The following GSE1 variants were observed in gnomAD, a reference collection of about 807,000 sequenced individuals.
The protein encoded by GSE1 is Gse1 coiled-coil protein.
In GSE1, 32 loss-of-function variants were observed where a neutral mutation model predicts 112.6. The ratio of observed to expected loss-of-function variants is 0.28; its 90% CI spans 0.21 to 0.38. The LOEUF (loss-of-function observed/expected upper bound fraction) is 0.38. GSE1 is among the 10% of genes least tolerant of loss of function. GSE1 has a pLI of 1.00. For missense variants in GSE1, 2,348 were observed against 1,699.2 expected (o/e 1.38, Z -6.71); for synonymous variants, 1,115 against 735.6 (o/e 1.52, Z -8.35).
intron 3 of GSE1, among the ~76,000 whole-genome samples, chr16:85,650,829 C>T (rs1043612080): frequency 5.9e-5 from 9 of 151,850 alleles, no homozygotes; most frequent in Non-Finnish European, 8.8e-5. Context: ...CATGAGTCTC[C>T]GAGGCTGCGG....
intron 2 of GSE1, among the ~76,000 whole-genome samples, chr16:85,456,710 A>C (rs1193314909): frequency 1.3e-5 from 2 of 151,180 alleles, no homozygotes; most frequent in African/African-American, 4.9e-5. Context: ...AAGATTAAGC[A>C]TTTCCAGGGA....
chr16:85,327,775 T>C (rs2151510560), intron 1 of GSE1, among the ~76,000 whole-genome samples: 1 of 152,316 alleles, frequency 6.6e-6, no homozygotes, highest in Middle Eastern at 3.4e-3. Context: ...CATTGACCCT[T>C]TCCACATGCC....
At chr16:85,518,718 G>A (rs2052036774) in intron 2 of GSE1, among the ~76,000 whole-genome samples, 1 of 152,074 alleles carries the variant, frequency 6.6e-6, no homozygotes, top group Non-Finnish European at 1.5e-5. Context: ...AAATCACCCA[G>A]CAAGCAGGGG....
intron 2 of GSE1, among the ~76,000 whole-genome samples, chr16:85,507,235 T>G (rs1459050354): frequency 6.6e-6 from 1 of 152,206 alleles, no homozygotes; most frequent in African/African-American, 2.4e-5. Flanking sequence ...GCTTTTGTCT[T>G]CTCTGTCTGC....
At chr16:85,268,311 G>GTGGGGGAGTGATAATGA (rs1171880772) in intron 1 of GSE1, among the ~76,000 whole-genome samples, 2 of 152,094 alleles carry the variant, frequency 1.3e-5, no homozygotes, top group African/African-American at 2.4e-5. Context: ...TCCCCCCGCA[G>GTGGGGGAGTGATAATGA]TCCTCCTCCT....
chr16:85,585,103 A>G (rs1272696396), intron 1 of GSE1, among the ~76,000 whole-genome samples: 1 of 152,212 alleles, frequency 6.6e-6, no homozygotes, highest in Non-Finnish European at 1.5e-5. Context: ...TGAAAAAAAA[A>G]GGCGTGATCA....
At chr16:85,357,379 G>T in intron 1 of GSE1, 1 of 890,172 alleles carries the variant, frequency 1.1e-6, no homozygotes, top group East Asian at 8.0e-5. Context: ...GGGAGGAATG[G>T]CACCTATGGC....
chr16:85,676,113 A>G lies in GSE1; in HGVS notation c.*3574A>G, dbSNP rs2053660391. 6.5e-6 allele frequency: 1 copy of G among 152,682 alleles called. No homozygotes were observed. The highest frequency in any genetic ancestry group is 6.5e-5 in the Admixed American group (1 of 15,284). 9.5% of individuals were successfully genotyped at this position (152,682 alleles called of 1,614,324 possible). A position where few individuals can be genotyped will look rare whatever the true frequency, so the allele number is the denominator to read the frequency against. ...TTGTTTGAATTAATTGTATTGTAATATTATTTGTTGAATGTAGTAATTAGG... is the reference window on the plus strand; with the variant it reads ...TTGTTTGAATTAATTGTATTGTAATGTTATTTGTTGAATGTAGTAATTAGG... On this transcript the variant is annotated 3_prime_UTR_variant, in exon 16 of 16. Transcript: ENST00000253458.
At chr16:85,255,361 C>G (rs1488489208) in intron 1 of GSE1, among the ~76,000 whole-genome samples, 1 of 152,176 alleles carries the variant, frequency 6.6e-6, no homozygotes, top group Non-Finnish European at 1.5e-5. Flanking sequence ...GATGATACCC[C>G]TCCCAGCCTC....
chr16:85,528,946 C>G (rs1415719658), intron 2 of GSE1, among the ~76,000 whole-genome samples: 2 of 152,062 alleles, frequency 1.3e-5, no homozygotes, highest in South Asian at 4.1e-4. Flanking sequence ...GCTCAAGACC[C>G]CAGAGGCCAT....
At chr16:85,226,913 C>A (rs921670720) in intron 1 of GSE1, among the ~76,000 whole-genome samples, 2 of 151,820 alleles carry the variant, frequency 1.3e-5, no homozygotes, top group African/African-American at 4.8e-5. Context: ...TCATCTGGCC[C>A]GAAAACTGAG....
intron 2 of GSE1, among the ~76,000 whole-genome samples, chr16:85,477,870 T>C (rs1236107648): frequency 6.6e-6 from 1 of 152,066 alleles, no homozygotes; most frequent in Non-Finnish European, 1.5e-5. Flanking sequence ...TAGGGTTTTG[T>C]TTTTTCAAAC....
chr16:85,297,428 TTTTAG>T (rs2045398998), intron 1 of GSE1, among the ~76,000 whole-genome samples: 1 of 152,216 alleles, frequency 6.6e-6, no homozygotes, highest in African/African-American at 2.4e-5. Flanking sequence ...GACGTCTTAG[TTTTAG>T]TTTAAGAATT....
chr16:85,306,516 T>C (rs1458234348), intron 1 of GSE1, among the ~76,000 whole-genome samples: 1 of 152,222 alleles, frequency 6.6e-6, no homozygotes, highest in Non-Finnish European at 1.5e-5. Context: ...GGAGAAAGGC[T>C]TTGAGTCAGT....
chr16:85,454,371 A>G (rs1245011617), intron 2 of GSE1, among the ~76,000 whole-genome samples: 1 of 152,232 alleles, frequency 6.6e-6, no homozygotes, highest in Non-Finnish European at 1.5e-5. Flanking sequence ...AGCGGCCAGC[A>G]GATGGCTCCA....
intron 1 of GSE1, among the ~76,000 whole-genome samples, chr16:85,351,538 C>A (rs2046850267): frequency 2.0e-5 from 3 of 149,630 alleles, no homozygotes; most frequent in Admixed American, 2.0e-4. Flanking sequence ...GGGGGCTGCT[C>A]ATAGGGATGG....
At chr16:85,243,965 A>C (rs895417577) in intron 1 of GSE1, among the ~76,000 whole-genome samples, 1 of 152,188 alleles carries the variant, frequency 6.6e-6, no homozygotes, top group Admixed American at 6.5e-5. Flanking sequence ...CATCTCCACT[A>C]AAAATACAAA....
chr16:85,569,142 G>T (rs910273825), intron 1 of GSE1, among the ~76,000 whole-genome samples: 2 of 152,142 alleles, frequency 1.3e-5, no homozygotes, highest in Admixed American at 1.3e-4. Context: ...TCCCCGACAG[G>T]GCCAACCCTG....
At chr16:85,301,708 C>T (rs2045531866) in intron 1 of GSE1, among the ~76,000 whole-genome samples, 1 of 152,220 alleles carries the variant, frequency 6.6e-6, no homozygotes, top group African/African-American at 2.4e-5. Flanking sequence ...TGGACCCTGT[C>T]TCCCTGGGTC....
Sources: gnomAD v4.1 joint callset for allele counts (sites outside exome capture counted in the v4.1 genomes callset) on GRCh38, gnomAD v4.1.1 for gene constraint, MANE v1.5 for transcripts, NCBI Gene and HGNC (gene_info 2026-07-23, HGNC 2026-07-21) for gene names.